SPIDR: variants seen among roughly 807,000 people sequenced by gnomAD.
The protein encoded by SPIDR is DNA repair-scaffolding protein.
A neutral mutation model predicts 104.6 loss-of-function variants in SPIDR; 93 were observed. The observed-to-expected ratio is 0.89, with a 90% confidence interval of 0.75 to 1.06. The LOEUF is 1.06. SPIDR is among the 50% of genes least tolerant of loss of function. The pLI, the probability that SPIDR is intolerant of heterozygous loss-of-function variation, is 0.00. For missense variants in SPIDR, 1,154 were observed against 1,111.2 expected (o/e 1.04, Z -0.55); for synonymous variants, 431 against 416.9 (o/e 1.03, Z -0.41).
chr8:47,333,706 T>G (rs1037489091), intron 5 of SPIDR, among the ~76,000 whole-genome samples: 1 of 152,234 alleles, frequency 6.6e-6, no homozygotes, highest in African/African-American at 2.4e-5. Context: ...TGCTATAGTT[T>G]TATACAGCTG....
intron 7 of SPIDR, among the ~76,000 whole-genome samples, chr8:47,422,896 T>G (rs1244043829): frequency 1.3e-5 from 2 of 152,232 alleles, no homozygotes; most frequent in Non-Finnish European, 2.9e-5. Flanking sequence ...TACTTGTAAC[T>G]TTTAAGAATC....
rs150032156 is a variant in SPIDR at position 47,457,040 on chromosome 8, A to G, written c.1097+16498A>G. On this transcript the variant is annotated intron_variant, in intron 8 of 19. Transcript: ENST00000297423. Reference sequence around the variant, plus strand: ...ATTTGGACTGGTTCCACATTTTTGCAATTGCAAATTGTGCCACTATAAACA... The same window carrying G: ...ATTTGGACTGGTTCCACATTTTTGCGATTGCAAATTGTGCCACTATAAACA... Among the ~76,000 whole-genome samples, 593 of 152,268 alleles carry G rather than the reference A, an allele frequency of 3.9e-3. 5 individuals are homozygous for G. Among genetic ancestry groups the G allele is most frequent in the African/African-American group, 0.013 (558 of 41,558 alleles).
At chr8:47,534,569 G>T (rs1016127200) in intron 8 of SPIDR, among the ~76,000 whole-genome samples, 6 of 152,158 alleles carry the variant, frequency 3.9e-5, no homozygotes, top group African/African-American at 1.4e-4. Flanking sequence ...AAAAGTGGGA[G>T]CTAAATGATA....
intron 8 of SPIDR, chr8:47,511,658 C>T: frequency 2.4e-6 from 2 of 816,844 alleles, no homozygotes; most frequent in Non-Finnish European, 2.2e-6. Context: ...GCAGACTCTT[C>T]CTCTGGTGCT....
intron 7 of SPIDR, among the ~76,000 whole-genome samples, chr8:47,421,060 A>G (rs1322505480): frequency 2.0e-5 from 3 of 151,944 alleles, no homozygotes; most frequent in African/African-American, 4.8e-5. Flanking sequence ...CTCCATTTCA[A>G]CTTTGGTGAA....
intron 10 of SPIDR, among the ~76,000 whole-genome samples, chr8:47,670,404 A>G (rs1188877692): frequency 6.6e-6 from 1 of 152,208 alleles, no homozygotes; most frequent in Non-Finnish European, 1.5e-5. Flanking sequence ...GAGAGAAGAG[A>G]GGGAAACAAA....
chr8:47,349,803 G>A (rs1301926761), intron 5 of SPIDR, among the ~76,000 whole-genome samples: 7 of 152,222 alleles, frequency 4.6e-5, no homozygotes, highest in African/African-American at 1.7e-4. Flanking sequence ...GTCCTGGTGT[G>A]CTGTTTGCTA....
chr8:47,716,984 T>C (rs2082675052), intron 16 of SPIDR, among the ~76,000 whole-genome samples: 1 of 152,078 alleles, frequency 6.6e-6, no homozygotes, highest in Non-Finnish European at 1.5e-5. Flanking sequence ...GGAGAGATGA[T>C]TGGCAGGAAG....
intron 14 of SPIDR, among the ~76,000 whole-genome samples, chr8:47,703,262 T>G (rs916359925): frequency 6.6e-6 from 1 of 152,246 alleles, no homozygotes; most frequent in Non-Finnish European, 1.5e-5. Flanking sequence ...TGCATTTATT[T>G]TGAACAAATT....
At chr8:47,725,301 A>G (rs2154492984) in intron 16 of SPIDR, among the ~76,000 whole-genome samples, 1 of 152,354 alleles carries the variant, frequency 6.6e-6, no homozygotes, top group South Asian at 2.1e-4. Context: ...ACTTAATGGC[A>G]AACTGCTGGC....
intron 10 of SPIDR, among the ~76,000 whole-genome samples, chr8:47,623,989 A>G (rs199836261): frequency 2.0e-5 from 3 of 152,334 alleles, no homozygotes; most frequent in East Asian, 3.9e-4. Context: ...GTTGGAAGTA[A>G]AGCACTCCTC....
Position 47,630,987 on chromosome 8 carries a change from A to G in SPIDR, c.1544+31791A>G, listed in dbSNP as rs558804242. Among the ~76,000 whole-genome samples the G allele has an allele frequency of 2.0e-5, 3 of 152,188 alleles. No homozygotes were observed. The East Asian group carries it at 5.8e-4, about 29-fold the overall frequency. Reference sequence around the variant, plus strand: ...CAACCTACAGACTGTGAGAACAAGAACTCAACAACAGCCCCCAGCACCCTG... The same window carrying G: ...CAACCTACAGACTGTGAGAACAAGAGCTCAACAACAGCCCCCAGCACCCTG... On this transcript the variant is annotated intron_variant, in intron 10 of 19. Coordinates refer to ENST00000297423, the MANE Select transcript of SPIDR (RefSeq NM_001080394.4).
chr8:47,414,131 G>A (rs1554673656), intron 7 of SPIDR, among the ~76,000 whole-genome samples: 1 of 152,176 alleles, frequency 6.6e-6, no homozygotes, highest in African/African-American at 2.4e-5. Flanking sequence ...AACTGTATAG[G>A]ATGTCCTAAA....
At chr8:47,718,375 A>T (rs961758989) in intron 16 of SPIDR, among the ~76,000 whole-genome samples, 13 of 150,290 alleles carry the variant, frequency 8.6e-5, no homozygotes, top group South Asian at 4.2e-4. Flanking sequence ...GATGAAAATT[A>T]TTTTTTTTTT....
intron 10 of SPIDR, among the ~76,000 whole-genome samples, chr8:47,632,023 C>T (rs1298798803): frequency 2.0e-5 from 3 of 152,140 alleles, no homozygotes; most frequent in Non-Finnish European, 4.4e-5. Flanking sequence ...GCACACACAT[C>T]CCCCTCCCCA....
At chr8:47,639,930 A>AC (rs913035198) in intron 10 of SPIDR, among the ~76,000 whole-genome samples, 6 of 139,576 alleles carry the variant, frequency 4.3e-5, no homozygotes, top group African/African-American at 1.8e-4. Context: ...CTGGGTGACA[A>AC]AAAAAAAAAA....
intron 7 of SPIDR, among the ~76,000 whole-genome samples, chr8:47,425,277 C>T (rs552073509): frequency 6.6e-6 from 1 of 152,254 alleles, no homozygotes; most frequent in South Asian, 2.1e-4. Flanking sequence ...TCAGCAGTTG[C>T]TCAGCAGGGG....
intron 1 of SPIDR, among the ~76,000 whole-genome samples, chr8:47,269,763 TTAAC>T (rs2034908208): frequency 6.6e-6 from 1 of 152,306 alleles, no homozygotes; most frequent in Non-Finnish European, 1.5e-5. Flanking sequence ...CATCCAGTAT[TTAAC>T]TATTCTGTAT....
intron 16 of SPIDR, among the ~76,000 whole-genome samples, chr8:47,720,889 C>G (rs1417527024): frequency 1.3e-5 from 2 of 152,068 alleles, no homozygotes; most frequent in Non-Finnish European, 2.9e-5. Flanking sequence ...TCCTGAGTAG[C>G]TGGGATTACA....
Sources: allele counts gnomAD v4.1 joint callset (sites outside exome capture counted in the v4.1 genomes callset), GRCh38; gene constraint gnomAD v4.1.1; transcripts MANE v1.5; gene names NCBI Gene and HGNC (gene_info 2026-07-23, HGNC 2026-07-21).